LPGAT1: variants seen among roughly 807,000 people sequenced by gnomAD.
LPGAT1 encodes acyl-CoA:lysophosphatidylglycerol acyltransferase 1.
LPGAT1 carries 11 observed loss-of-function variants against 47.5 expected under a neutral mutation model. The observed-to-expected ratio is 0.23, with a 90% CI of 0.15 to 0.38. The LOEUF (loss-of-function observed/expected upper bound fraction) is 0.38, where lower values mean the gene tolerates loss of function less well. Ranked by LOEUF, LPGAT1 falls within the 10% of genes least tolerant of loss-of-function variation. The pLI, the probability that LPGAT1 is intolerant of heterozygous loss-of-function variation, is 1.00. For synonymous variants in LPGAT1, 138 were observed against 144.2 expected (o/e 0.96, Z 0.31); for missense variants, 293 against 439.0 (o/e 0.67, Z 2.97).
In LPGAT1 at chr1:211,829,152, G is replaced by C. The variant is rs747397521; in HGVS notation, c.145C>G (p.Leu49Val). The change falls in exon 2 of 8, where the codon CTG becomes GTG. Residue 49 changes from leucine (L) to valine (V), a missense_variant. Physicochemically the swap from Leu to Val is conservative, Grantham distance 32 (BLOSUM62 1). Transcript: ENST00000366997. ...YVIILQPLRV[L>V]DSKRFWYIEG... ...ATATACCAGAACCGCTTACTGTCCA[G>C]CACTCGAAGGGGCTGAAGTATAATT... The C allele has an allele frequency of 6.2e-7, 1 of 1,614,128 alleles. No homozygotes were observed. The highest frequency in any genetic ancestry group is 8.5e-7 in the Non-Finnish European group (1 of 1,180,038).
chr1:211,778,243 G>A (rs1658489795), intron 6 of LPGAT1, among the ~76,000 whole-genome samples: 1 of 151,774 alleles, frequency 6.6e-6, no homozygotes, highest in African/African-American at 2.4e-5. Flanking sequence ...TCGGGAGGCT[G>A]AGGCAGGAGA....
chr1:211,826,526 T>C (rs1308373655), intron 2 of LPGAT1, among the ~76,000 whole-genome samples: 6 of 152,178 alleles, frequency 3.9e-5, no homozygotes, highest in Admixed American at 3.9e-4. Flanking sequence ...TATTTCATTT[T>C]AATTAATTTA....
intron 2 of LPGAT1, among the ~76,000 whole-genome samples, chr1:211,808,178 T>C (rs1224879364): frequency 1.3e-5 from 2 of 151,928 alleles, no homozygotes; most frequent in Non-Finnish European, 2.9e-5. Flanking sequence ...AAACCCCGTC[T>C]CTACTAAAAA....
chr1:211,745,453 G>A lies in LPGAT1; in HGVS notation c.*4446C>T, dbSNP rs187743228. The A allele has an allele frequency of 6.6e-5, 10 of 152,308 alleles. No individual in the cohort carries two copies. In the East Asian group the frequency reaches 1.9e-3, roughly 29 times the overall value. The allele number at this position is 152,308 out of a possible 1,614,324, so 9.4% of individuals were successfully genotyped here. A position where few individuals can be genotyped will look rare whatever the true frequency, so the allele number is the denominator to read the frequency against. ...TAAAGAATTTGTGCATCACAGTCAT[G>A]TGTTCAACAGTTTTACACAATAAAA... is the stretch of plus-strand genomic sequence containing the variant. On this transcript the variant is annotated 3_prime_UTR_variant, in exon 8 of 8. Transcript: ENST00000366997.
At chr1:211,794,126 T>G (rs527305848) in intron 2 of LPGAT1, among the ~76,000 whole-genome samples, 16 of 152,316 alleles carry the variant, frequency 1.1e-4, no homozygotes, top group African/African-American at 3.8e-4. Flanking sequence ...TTCTATTTTA[T>G]AAGAAAACAT....
In LPGAT1 at chr1:211,745,539, G is replaced by T. The variant is rs1447840728; in HGVS notation, c.*4360C>A. The T allele has an allele frequency of 6.6e-6, 1 of 152,114 alleles. No individual in the cohort carries two copies. The highest frequency in any genetic ancestry group is 1.9e-4 in the East Asian group (1 of 5,206). The allele number at this position is 152,114 out of a possible 1,614,324, so 9.4% of individuals were successfully genotyped here. ...ACTAGAATACACTTAAAAAACGTTT[G>T]CTCTTTAAACTGTCTTAAAAAAATA... On this transcript the variant is annotated 3_prime_UTR_variant, in exon 8 of 8. Coordinates refer to ENST00000366997, the MANE Select transcript of LPGAT1 (RefSeq NM_014873.3).
At chr1:211,820,467 A>C (rs1362865215) in intron 2 of LPGAT1, among the ~76,000 whole-genome samples, 1 of 152,098 alleles carries the variant, frequency 6.6e-6, no homozygotes. Flanking sequence ...GACCACAAAC[A>C]AGAAATACAA....
intron 2 of LPGAT1, among the ~76,000 whole-genome samples, chr1:211,810,463 A>C (rs1013916482): frequency 2.0e-5 from 3 of 152,176 alleles, no homozygotes; most frequent in Non-Finnish European, 2.9e-5. Flanking sequence ...TGGAATCTTG[A>C]ATATGCTGTT....
At chr1:211,775,424 A>G (rs1457973687) in intron 6 of LPGAT1, among the ~76,000 whole-genome samples, 3 of 152,240 alleles carry the variant, frequency 2.0e-5, no homozygotes. Context: ...TTGCATAACA[A>G]TGTAATATCC....
chr1:211,750,992 T>C lies in LPGAT1; in HGVS notation c.930A>G (p.Lys310=). 1 of 1,613,650 alleles carries C rather than the reference T, an allele frequency of 6.2e-7. No homozygotes were observed. The highest frequency in any genetic ancestry group is 2.2e-5 in the East Asian group (1 of 44,860). Residue 310 remains lysine (K), a synonymous_variant, in exon 7 of 8, where the codon AAA becomes AAG. Coordinates refer to ENST00000366997, the MANE Select transcript of LPGAT1 (RefSeq NM_014873.3). ...CATAAAAATGTGATAAGAGGTCTTC[T>C]TTTTCAACAAACCGCTGATAGAGCC... The part of the protein sequence containing the change: ...TTWLYQRFVE[K]EDLLSHFYET...
intron 3 of LPGAT1, among the ~76,000 whole-genome samples, chr1:211,788,636 C>T (rs931784009): frequency 4.0e-5 from 6 of 150,728 alleles, no homozygotes; most frequent in Non-Finnish European, 7.4e-5. Context: ...GAGCCAAGAT[C>T]GAGCCGCTGC....
chr1:211,799,273 T>C (rs548446337), intron 2 of LPGAT1, among the ~76,000 whole-genome samples: 13 of 152,170 alleles, frequency 8.5e-5, no homozygotes, highest in African/African-American at 3.1e-4. Context: ...TAAATAGATA[T>C]ATAAATAATA....
At chr1:211,750,171 T>C (rs1318512831) in intron 7 of LPGAT1, 121 bp from the exon 8 acceptor site, 1 of 801,504 alleles carries the variant, frequency 1.2e-6, no homozygotes, top group Non-Finnish European at 2.1e-6. Context: ...GACTTTCCAG[T>C]GCCCCAGAGG....
At chr1:211,795,084 T>TTAGAG (rs1659293981) in intron 2 of LPGAT1, among the ~76,000 whole-genome samples, 1 of 152,148 alleles carries the variant, frequency 6.6e-6, no homozygotes, top group African/African-American at 2.4e-5. Flanking sequence ...TGTTTCAGTT[T>TTAGAG]TACAAGATGG....
At chr1:211,765,983 A>G (rs920327950) in intron 6 of LPGAT1, among the ~76,000 whole-genome samples, 2 of 152,120 alleles carry the variant, frequency 1.3e-5, no homozygotes, top group Non-Finnish European at 2.9e-5. Context: ...CCCAAGGAGA[A>G]CAAAAAGGTA....
At chr1:211,767,975 G>C (rs905517303) in intron 6 of LPGAT1, among the ~76,000 whole-genome samples, 1 of 152,074 alleles carries the variant, frequency 6.6e-6, no homozygotes, top group African/African-American at 2.4e-5. Flanking sequence ...ATTACAAAAA[G>C]TTGACCTAAA....
chr1:211,829,745 T>C (rs138321387), intron 1 of LPGAT1: 11 of 1,005,590 alleles, frequency 1.1e-5, no homozygotes, highest in Admixed American at 1.1e-4. Flanking sequence ...TCCCAGATAC[T>C]GAGGACCTCA....
At chr1:211,806,689 AAAG>A (rs1342388578) in intron 2 of LPGAT1, among the ~76,000 whole-genome samples, 1 of 152,244 alleles carries the variant, frequency 6.6e-6, no homozygotes, top group Non-Finnish European at 1.5e-5. Flanking sequence ...TTTTTTTAAA[AAAG>A]AAGGTCTCAT....
At position 211,778,198 on chromosome 1, in the gene LPGAT1, C is replaced by T. The variant is rs11801311; in HGVS notation, c.854+720G>A. Among the ~76,000 whole-genome samples, 451 of 152,036 alleles carry T rather than the reference C, an allele frequency of 3.0e-3. 2 individuals are homozygous for T. Among genetic ancestry groups the T allele is most frequent in the African/African-American group, 0.011 (436 of 41,510 alleles). ...TCTACTAAAAATACAAAAAATTAGC[C>T]GGGCATGGTGGCGGGCGCCTGTAGT... On this transcript the variant is annotated intron_variant, in intron 6 of 7. Coordinates refer to ENST00000366997, the MANE Select transcript of LPGAT1 (RefSeq NM_014873.3).
Sources: gnomAD v4.1 joint callset for allele counts (sites outside exome capture counted in the v4.1 genomes callset) on GRCh38, gnomAD v4.1.1 for gene constraint, MANE v1.5 for transcripts, NCBI Gene and HGNC (gene_info 2026-07-23, HGNC 2026-07-21) for gene names.